The following PTPRD variants were observed in gnomAD, a reference collection of about 807,000 sequenced individuals.
The protein encoded by PTPRD is protein tyrosine phosphatase receptor type D.
Under a neutral mutation model 214.5 loss-of-function variants are expected in PTPRD, and 34 were observed. The ratio of observed to expected loss-of-function variants is 0.16; its 90% CI spans 0.12 to 0.21. The LOEUF (loss-of-function observed/expected upper bound fraction) is 0.21, where lower values mean the gene tolerates loss of function less well. Ranked by LOEUF, PTPRD falls within the 10% of genes least tolerant of loss-of-function variation. The probability of loss-of-function intolerance (pLI) is 1.00; values close to 1 mark genes in which losing one functional copy is unlikely to be tolerated. For missense variants in PTPRD, 2,545 were observed against 2,398.7 expected (o/e 1.06, Z -1.27); for synonymous variants, 1,128 against 845.7 (o/e 1.33, Z -5.79).
intron 5 of PTPRD, among the ~76,000 whole-genome samples, chr9:9,792,048 C>T (rs1023991654): frequency 6.6e-6 from 1 of 151,932 alleles, no homozygotes; most frequent in Non-Finnish European, 1.5e-5. Flanking sequence ...ATATTATAAT[C>T]GAATGGGACT....
At chr9:9,460,820 G>A (rs923426877) in intron 8 of PTPRD, among the ~76,000 whole-genome samples, 1 of 151,876 alleles carries the variant, frequency 6.6e-6, no homozygotes, top group African/African-American at 2.4e-5. Context: ...CCTCACTATT[G>A]GGTATCTACC....
At chr9:10,225,479 G>A (rs565317520) in intron 3 of PTPRD, among the ~76,000 whole-genome samples, 2 of 152,066 alleles carry the variant, frequency 1.3e-5, no homozygotes, top group Admixed American at 1.3e-4. Context: ...GATCATAGAG[G>A]GTGATATGAG....
At chr9:9,303,575 G>C (rs1956185569) in intron 9 of PTPRD, among the ~76,000 whole-genome samples, 1 of 152,056 alleles carries the variant, frequency 6.6e-6, no homozygotes. Context: ...TGGTTATGTG[G>C]ATTTTACTAA....
intron 9 of PTPRD, among the ~76,000 whole-genome samples, chr9:9,313,699 T>A (rs1431768785): frequency 6.6e-6 from 1 of 152,158 alleles, no homozygotes; most frequent in Non-Finnish European, 1.5e-5. Context: ...GGTGTTTACA[T>A]TATATCTCCG....
At chr9:8,378,523 G>A (rs2083942071) in intron 37 of PTPRD, among the ~76,000 whole-genome samples, 1 of 152,070 alleles carries the variant, frequency 6.6e-6, no homozygotes, top group African/African-American at 2.4e-5. Flanking sequence ...AGGAACTCTG[G>A]AGGCCTCATA....
At chr9:8,797,253 T>C (rs1045595768) in intron 11 of PTPRD, 13 of 152,200 alleles carry the variant, frequency 8.5e-5, no homozygotes, top group African/African-American at 3.1e-4. Flanking sequence ...TAAATCCTAA[T>C]ACGATTGCCT....
At chr9:10,352,217 T>C (rs1444397404) in intron 2 of PTPRD, among the ~76,000 whole-genome samples, 1 of 152,010 alleles carries the variant, frequency 6.6e-6, no homozygotes, top group Admixed American at 6.6e-5. Context: ...TGTACTAAAA[T>C]CAAAATACAT....
intron 7 of PTPRD, among the ~76,000 whole-genome samples, chr9:9,670,931 C>G (rs1046132224): frequency 2.0e-5 from 3 of 152,186 alleles, no homozygotes; most frequent in African/African-American, 7.2e-5. Flanking sequence ...GAGATCCCCA[C>G]AGAGTCTCTA....
intron 6 of PTPRD, among the ~76,000 whole-genome samples, chr9:9,746,430 A>C (rs1250212488): frequency 1.3e-5 from 2 of 152,186 alleles, no homozygotes; most frequent in Admixed American, 6.5e-5. Flanking sequence ...CAGATAGAGT[A>C]ATTAGCACAA....
At chr9:10,371,475 G>C (rs1348477797) in intron 2 of PTPRD, among the ~76,000 whole-genome samples, 2 of 151,918 alleles carry the variant, frequency 1.3e-5, no homozygotes, top group Non-Finnish European at 2.9e-5. Context: ...ATGATATCTG[G>C]TATTAGCTAC....
chr9:9,157,338 A>G (rs536986917), intron 10 of PTPRD, among the ~76,000 whole-genome samples: 17 of 152,244 alleles, frequency 1.1e-4, no homozygotes, highest in Admixed American at 5.9e-4. Flanking sequence ...TAACAAAACT[A>G]AGAGATAGCT....
chr9:9,098,429 A>G (rs966577849), intron 10 of PTPRD, among the ~76,000 whole-genome samples: 1 of 151,948 alleles, frequency 6.6e-6, no homozygotes, highest in African/African-American at 2.4e-5. Flanking sequence ...GCTAATTTTT[A>G]GTAGAGACAG....
chr9:8,952,306 G>C (rs760389986), intron 11 of PTPRD, among the ~76,000 whole-genome samples: 2 of 151,896 alleles, frequency 1.3e-5, no homozygotes, highest in Non-Finnish European at 2.9e-5. Context: ...GGAACACACA[G>C]ATAAAAATTC....
chr9:10,252,326 T>A (rs12236963), intron 3 of PTPRD, among the ~76,000 whole-genome samples: 90,797 of 151,914 alleles, frequency 0.6, 28,483 homozygotes, highest in East Asian at 0.73. Flanking sequence ...CTCTTCTTGC[T>A]GTTGGAATCC....
At chr9:10,115,001 C>A (rs1193918503) in intron 3 of PTPRD, among the ~76,000 whole-genome samples, 1 of 150,678 alleles carries the variant, frequency 6.6e-6, no homozygotes, top group East Asian at 2.0e-4. Context: ...GGTTCATCAG[C>A]TTCTTTCTTG....
intron 3 of PTPRD, among the ~76,000 whole-genome samples, chr9:10,284,403 T>C (rs1013625952): frequency 2.6e-5 from 4 of 152,206 alleles, no homozygotes; most frequent in Admixed American, 6.5e-5. Flanking sequence ...AAAACTGATG[T>C]CTCAAGCATA....
chr9:8,707,854 C>T (rs1042968116), intron 12 of PTPRD, among the ~76,000 whole-genome samples: 12 of 152,150 alleles, frequency 7.9e-5, no homozygotes, highest in African/African-American at 2.7e-4. Flanking sequence ...TCCCAGGTAC[C>T]ACATCTCTCG....
At chr9:8,732,436 A>G (rs2098670370) in intron 12 of PTPRD, among the ~76,000 whole-genome samples, 1 of 152,226 alleles carries the variant, frequency 6.6e-6, no homozygotes, top group Non-Finnish European at 1.5e-5. Flanking sequence ...TAATAAAACC[A>G]TAGTCTCAAT....
At chr9:9,770,374 TA>T (rs1315250213) in intron 5 of PTPRD, among the ~76,000 whole-genome samples, 1 of 152,150 alleles carries the variant, frequency 6.6e-6, no homozygotes, top group Non-Finnish European at 1.5e-5. Flanking sequence ...TTAAGAAAAA[TA>T]CGGTGGTTTA....
Sources: allele counts gnomAD v4.1 joint callset (sites outside exome capture counted in the v4.1 genomes callset), GRCh38; gene constraint gnomAD v4.1.1; transcripts MANE v1.5; gene names NCBI Gene and HGNC (gene_info 2026-07-23, HGNC 2026-07-21).